RBFOX1: variants seen among roughly 807,000 people sequenced by gnomAD.
RBFOX1 encodes the protein RNA binding protein fox-1 homolog 1.
Under a neutral mutation model 57.7 loss-of-function variants are expected in RBFOX1, and 8 were observed. The observed-to-expected ratio is 0.14, with a 90% CI of 0.08 to 0.25. The LOEUF is 0.25. RBFOX1 is among the 10% of genes least tolerant of loss of function. The probability of loss-of-function intolerance (pLI) is 1.00; values close to 1 mark genes in which losing one functional copy is unlikely to be tolerated. For synonymous variants in RBFOX1, 326 were observed against 222.4 expected (o/e 1.47, Z -4.15); for missense variants, 611 against 548.5 (o/e 1.11, Z -1.14).
At chr16:7,364,519 C>T (rs1206471283) in intron 4 of RBFOX1, among the ~76,000 whole-genome samples, 2 of 135,216 alleles carry the variant, frequency 1.5e-5, no homozygotes, top group Non-Finnish European at 3.1e-5. Context: ...CTATCTTTGG[C>T]AAGGGAGAGC....
intron 4 of RBFOX1, among the ~76,000 whole-genome samples, chr16:7,174,990 T>G (rs888619745): frequency 1.9e-4 from 29 of 152,206 alleles, no homozygotes; most frequent in African/African-American, 6.5e-4. Context: ...TGCATTTTCC[T>G]GATGTCTAAT....
chr16:6,036,025 T>C (rs1020363336), intron 1 of RBFOX1, among the ~76,000 whole-genome samples: 6 of 152,226 alleles, frequency 3.9e-5, no homozygotes, highest in Non-Finnish European at 8.8e-5. Context: ...CTATGTATTA[T>C]TGTTTTTCTG....
intron 3 of RBFOX1, among the ~76,000 whole-genome samples, chr16:6,981,219 G>C (rs936301195): frequency 6.6e-6 from 1 of 151,746 alleles, no homozygotes; most frequent in South Asian, 2.1e-4. Context: ...CATCACCCAG[G>C]TATTAAGCCT....
rs75340672 is a variant in RBFOX1, at chr16:7,101,896, A to G, written c.27+49798A>G. Among the ~76,000 whole-genome samples, 16 of 152,268 alleles carry G rather than the reference A, an allele frequency of 1.1e-4. No homozygotes were observed. In the East Asian group the frequency reaches 2.3e-3, roughly 22 times the overall value. The stretch of plus-strand genomic sequence containing the variant: ...TACAGTTGGTAAACTGTACCAAAGC[A>G]TGGAGACCAGGTGTTTACGAGGATT... On this transcript the variant is annotated intron_variant, in intron 4 of 15. Transcript: ENST00000550418.
intron 2 of RBFOX1, among the ~76,000 whole-genome samples, chr16:6,568,771 T>C (rs1426199424): frequency 2.0e-5 from 3 of 152,092 alleles, no homozygotes; most frequent in Non-Finnish European, 4.4e-5. Flanking sequence ...TTATAACTCT[T>C]TTTTTTATTA....
rs368478197 is a variant in RBFOX1 at position 6,846,616 on chromosome 16, C to G, written c.-16+191966C>G. Among the ~76,000 whole-genome samples the G allele has an allele frequency of 1.3e-3, 202 of 152,254 alleles. 1 individual carries two copies. Among genetic ancestry groups the G allele is most frequent in the African/African-American group, 4.7e-3 (195 of 41,550 alleles). On this transcript the variant is annotated intron_variant, in intron 3 of 15. Transcript: ENST00000550418. ...TGGAAACGCACGAAGACCTTTGCCC[C>G]TATGAATCATGTATTGGGAAAACAG...
At chr16:5,644,193 A>T (rs2048973217) in intron 3 of RBFOX1, among the ~76,000 whole-genome samples, 1 of 152,222 alleles carries the variant, frequency 6.6e-6, no homozygotes, top group South Asian at 2.1e-4. Context: ...TTGTAGAGTT[A>T]AAGTGTGTGT....
At chr16:7,643,870 C>T (rs572089643) in intron 11 of RBFOX1, among the ~76,000 whole-genome samples, 1 of 152,252 alleles carries the variant, frequency 6.6e-6, no homozygotes, top group South Asian at 2.1e-4. Flanking sequence ...GGCACACACA[C>T]AGACCCTCTA....
chr16:6,961,192 A>T (rs1400497292), intron 3 of RBFOX1, among the ~76,000 whole-genome samples: 4 of 143,030 alleles, frequency 2.8e-5, no homozygotes, highest in African/African-American at 1.0e-4. Flanking sequence ...AAGAAAAGAA[A>T]GATTAAATGC....
chr16:7,583,147 TC>T (rs1456066267), intron 6 of RBFOX1, among the ~76,000 whole-genome samples: 5 of 82,060 alleles, frequency 6.1e-5, no homozygotes, highest in East Asian at 2.5e-4. Flanking sequence ...TTCTAGCTCA[TC>T]TTTTTTTTTT....
At chr16:7,143,704 A>T (rs770210423) in intron 4 of RBFOX1, among the ~76,000 whole-genome samples, 1 of 152,040 alleles carries the variant, frequency 6.6e-6, no homozygotes, top group East Asian at 1.9e-4. Context: ...AACTTCTCCA[A>T]AGTCCTTCAT....
intron 1 of RBFOX1, among the ~76,000 whole-genome samples, chr16:5,331,543 A>G (rs1035777193): frequency 6.6e-6 from 1 of 152,252 alleles, no homozygotes; most frequent in Non-Finnish European, 1.5e-5. Context: ...GGGTAATGGC[A>G]GAGCACACTC....
chr16:6,888,554 G>C (rs368414314), intron 3 of RBFOX1, among the ~76,000 whole-genome samples: 3 of 152,090 alleles, frequency 2.0e-5, no homozygotes, highest in East Asian at 3.9e-4. Flanking sequence ...TTTACTTGCT[G>C]TTTGTCCTCT....
chr16:6,188,798 A>G (rs1313548681), intron 1 of RBFOX1, among the ~76,000 whole-genome samples: 1 of 152,176 alleles, frequency 6.6e-6, no homozygotes, highest in Non-Finnish European at 1.5e-5. Flanking sequence ...AAACCTTCCT[A>G]CCGCTGATAC....
intron 4 of RBFOX1, among the ~76,000 whole-genome samples, chr16:5,869,154 C>T (rs1418333987): frequency 6.6e-6 from 1 of 151,968 alleles, no homozygotes; most frequent in Non-Finnish European, 1.5e-5. Flanking sequence ...AGATTATGGC[C>T]TGGTAAACAG....
At chr16:6,222,319 T>C (rs1259622166) in intron 1 of RBFOX1, among the ~76,000 whole-genome samples, 1 of 152,164 alleles carries the variant, frequency 6.6e-6, no homozygotes, top group Non-Finnish European at 1.5e-5. Context: ...CTCTAGAGGC[T>C]GAAAGACTAA....
intron 2 of RBFOX1, among the ~76,000 whole-genome samples, chr16:5,526,854 A>G (rs2044269642): frequency 6.6e-6 from 1 of 151,670 alleles, no homozygotes; most frequent in Non-Finnish European, 1.5e-5. Flanking sequence ...TTGAAGTAAG[A>G]CTCCTTGCAT....
intron 5 of RBFOX1, among the ~76,000 whole-genome samples, chr16:7,571,171 C>G (rs2092731798): frequency 2.0e-5 from 3 of 151,834 alleles, no homozygotes; most frequent in South Asian, 2.1e-4. Flanking sequence ...CACACGTTTA[C>G]TTATGTAACA....
chr16:5,623,057 G>C (rs537675709), intron 3 of RBFOX1, among the ~76,000 whole-genome samples: 3 of 152,044 alleles, frequency 2.0e-5, no homozygotes, highest in Non-Finnish European at 4.4e-5. Context: ...TTTGGTATAC[G>C]GGGGAGTCTT....
Sources: allele counts gnomAD v4.1 joint callset (sites outside exome capture counted in the v4.1 genomes callset), GRCh38; gene constraint gnomAD v4.1.1; transcripts MANE v1.5; gene names NCBI Gene and HGNC (gene_info 2026-07-23, HGNC 2026-07-21).